Variants in CTSE observed in about 807,000 individuals in gnomAD.
The protein encoded by CTSE is erythrocyte membrane aspartic proteinase.
Under a neutral mutation model 42.8 loss-of-function variants are expected in CTSE, and 43 were observed. The ratio of observed to expected loss-of-function variants is 1.01; its 90% CI spans 0.79 to 1.30. CTSE has a LOEUF of 1.30. Among genes scored for constraint, CTSE ranks in the 50% most tolerant of loss-of-function variants. The pLI is 0.00. For missense variants in CTSE, 532 were observed against 493.5 expected, an observed-to-expected ratio of 1.08 and a Z score of -0.74; for synonymous variants, 205 against 191.5, an observed-to-expected ratio of 1.07 and a Z score of -0.58.
In CTSE at chr1:206,012,389, G is replaced by A; in HGVS notation, c.945C>T (p.Ala315=). 2.5e-6 allele frequency: 4 copies of A among 1,613,954 alleles called. No homozygotes were observed. Among genetic ancestry groups the A allele is most frequent in the Non-Finnish European group, 3.4e-6 (4 of 1,179,900 alleles). The change falls in exon 8 of 9, where the codon GCC becomes GCT. Residue 315 remains alanine (A), a synonymous_variant. Coordinates refer to ENST00000358184, the MANE Select transcript of CTSE (RefSeq NM_001910.4). ...TGACATCCGGCATGACGTTAAGGTT[G>A]GCACACTCCACAGCATACTAAAACC... is the stretch of plus-strand genomic sequence containing the variant. The part of the protein sequence containing the change: ...PVDGEYAVEC[A]NLNVMPDVTF...
intron 8 of CTSE, among the ~76,000 whole-genome samples, chr1:206,011,492 T>A (rs1245576444): frequency 6.6e-6 from 1 of 152,024 alleles, no homozygotes; most frequent in African/African-American, 2.4e-5. Context: ...GGCAGCTCCA[T>A]AATCCCTATG....
chr1:206,020,678 C>T (rs1465933515), intron 4 of CTSE, among the ~76,000 whole-genome samples: 1 of 152,032 alleles, frequency 6.6e-6, no homozygotes, highest in Non-Finnish European at 1.5e-5. Context: ...ACCTTGCCCC[C>T]TTATGTTACT....
chr1:206,012,484 T>G (rs1661133688), intron 7 of CTSE, 24 bp downstream of exon 7: 2 of 1,613,864 alleles, frequency 1.2e-6, no homozygotes. Context: ...TCCCCACCAC[T>G]CCCTTGCGCA....
chr1:206,015,129 T>C (rs114566708), intron 5 of CTSE, among the ~76,000 whole-genome samples: 3,202 of 152,132 alleles, frequency 0.021, 112 homozygotes, highest in African/African-American at 0.072. Flanking sequence ...ATTTTAAAAA[T>C]TGTTGTAAAA....
chr1:206,013,782 C>G lies in CTSE; in HGVS notation c.775G>C (p.Ala259Pro). The G allele has an allele frequency of 6.2e-7, 1 of 1,613,732 alleles. No homozygotes were observed. The highest frequency in any genetic ancestry group is 8.5e-7 in the Non-Finnish European group (1 of 1,179,802). ...PVTKQAYWQI[A>P]LDNIQVGGTV... ...ATGGGGAATACTCACTTATCCAGTG[C>G]AATCTGCCAGTAAGCTTGCTTGGTG... is the stretch of plus-strand genomic sequence containing the variant. Residue 259 changes from alanine (A) to proline (P), a missense_variant, in exon 6 of 9, where the codon GCA (alanine) becomes CCA (proline). By Grantham distance (27) the Ala-to-Pro change is conservative (BLOSUM62 -1). Coordinates refer to ENST00000358184, the MANE Select transcript of CTSE (RefSeq NM_001910.4).
At position 206,010,247 on chromosome 1, in the gene CTSE, C is replaced by A; in HGVS notation, c.1127G>T (p.Arg376Leu). ...PLWILGDVFI[R>L]QFYSVFDRGN... Reference sequence around the variant, plus strand: ...ACGGTCAAAGACTGAGTAAAACTGTCGAATGAAGACATCCCCCAGGATCCA... The same window carrying A: ...ACGGTCAAAGACTGAGTAAAACTGTAGAATGAAGACATCCCCCAGGATCCA... Residue 376 changes from arginine to leucine, a missense_variant, in exon 9 of 9, where the codon CGA becomes CTA. Physicochemically the swap from Arg to Leu is moderately radical, Grantham distance 102. Transcript: ENST00000358184. 6.2e-7 allele frequency: 1 copy of A among 1,613,710 alleles called. No individual in the cohort carries two copies. Among genetic ancestry groups the A allele is most frequent in the South Asian group, 1.1e-5 (1 of 91,050 alleles).
intron 6 of CTSE, among the ~76,000 whole-genome samples, chr1:206,013,089 TA>T (rs1165389259): frequency 6.8e-6 from 1 of 147,322 alleles, no homozygotes; most frequent in Non-Finnish European, 1.5e-5. Flanking sequence ...TGAGGCCTTT[TA>T]TTTTTTGCAT....
intron 4 of CTSE, among the ~76,000 whole-genome samples, chr1:206,019,436 G>T (rs115544357): frequency 6.6e-6 from 1 of 151,944 alleles, no homozygotes; most frequent in Non-Finnish European, 1.5e-5. Flanking sequence ...CTGATGATTT[G>T]TTAGAGGTAA....
Position 206,010,110 on chromosome 1 carries a change from A to T in CTSE, c.*73T>A. On this transcript the variant is annotated 3_prime_UTR_variant, in exon 9 of 9. Transcript: ENST00000358184. ...CATTCTCTGGAAAATAACTTTTTGT[A>T]GGTGTAAAGAATGCCCCAGCCTAAC... 1 of 1,574,802 alleles carries T rather than the reference A, an allele frequency of 6.3e-7. No homozygotes were observed.
chr1:206,013,648 C>T, intron 6 of CTSE, 124 bp downstream of exon 6: 1 of 1,283,840 alleles, frequency 7.8e-7, no homozygotes, highest in Non-Finnish European at 1.1e-6. Flanking sequence ...CTCCATACCT[C>T]CAACCACAGT....
chr1:206,009,815 C>G lies in CTSE; in HGVS notation c.*368G>C. On this transcript the variant is annotated 3_prime_UTR_variant, in exon 9 of 9. Coordinates refer to ENST00000358184, the MANE Select transcript of CTSE (RefSeq NM_001910.4). ...GCCTGGCCGTGTGTGGATGGGTTGT[C>G]AGGGCTGAGTGGAGTTGCAAAGGGA... 1 of 265,152 alleles carries G rather than the reference C, an allele frequency of 3.8e-6. No individual in the cohort carries two copies. Among genetic ancestry groups the G allele is most frequent in the Non-Finnish European group, 7.4e-6 (1 of 135,016 alleles). The allele number at this position is 265,152 out of a possible 1,614,324, so 16.4% of individuals were successfully genotyped here.
chr1:206,010,548 A>G (rs532661350), intron 8 of CTSE, among the ~76,000 whole-genome samples: 3 of 152,134 alleles, frequency 2.0e-5, no homozygotes, highest in East Asian at 3.9e-4. Context: ...TTGTCTGCAC[A>G]AGTCCATTCT....
intron 4 of CTSE, among the ~76,000 whole-genome samples, chr1:206,017,977 A>G (rs1661308985): frequency 6.6e-6 from 1 of 151,794 alleles, no homozygotes; most frequent in Admixed American, 6.6e-5. Context: ...ACTGGCTAGG[A>G]TTTTCAGTAC....
chr1:206,012,602 G>C lies in CTSE; in HGVS notation c.833C>G (p.Ala278Gly). 6.2e-7 allele frequency: 1 copy of C among 1,613,970 alleles called. No homozygotes were observed. The highest frequency in any genetic ancestry group is 8.5e-7 in the Non-Finnish European group (1 of 1,179,904). The change falls in exon 7 of 9, where the codon GCC becomes GGC. Residue 278 changes from alanine (A) to glycine (G), a missense_variant. By Grantham distance (60) the Ala-to-Gly change is moderately conservative. Transcript: ENST00000358184. ...TVMFCSEGCQ[A>G]IVDTGTSLIT... ...GAGGGAAGTCCCTGTGTCCACAATG[G>C]CCTGGCAGCCCTCGGAGCAGAACAT...
chr1:206,009,982 T>G lies in CTSE; in HGVS notation c.*201A>C. 1.9e-6 allele frequency: 1 copy of G among 527,286 alleles called. No individual in the cohort carries two copies. The highest frequency in any genetic ancestry group is 1.9e-5 in the African/African-American group (1 of 52,418). 32.7% of individuals were successfully genotyped at this position (527,286 alleles called of 1,614,324 possible). ...TCCTCCATCATGACGGTGGTGGGAG[T>G]GGTGTGTATGTGTGAAGTGTGTGTG... is the stretch of plus-strand genomic sequence containing the variant. On this transcript the variant is annotated 3_prime_UTR_variant, in exon 9 of 9. Transcript: ENST00000358184.
At chr1:206,012,737 A>G in intron 6 of CTSE, 88 bp from the exon 7 acceptor site, 1 of 1,441,008 alleles carries the variant, frequency 6.9e-7, no homozygotes, top group Non-Finnish European at 9.6e-7. Flanking sequence ...AAATGCCTGG[A>G]GCACATCAAT....
intron 5 of CTSE, 81 bp downstream of exon 5, chr1:206,015,850 T>C (rs1661245019): frequency 7.5e-7 from 1 of 1,325,524 alleles, no homozygotes; most frequent in African/African-American, 1.4e-5. Context: ...AAACCAGGTC[T>C]TTTGACTGCT....
intron 4 of CTSE, 144 bp from the exon 5 acceptor site, chr1:206,016,274 G>A: frequency 1.4e-6 from 1 of 717,966 alleles, no homozygotes; most frequent in South Asian, 1.8e-5. Context: ...AAAGATGCTT[G>A]CTATATTCCC....
At chr1:206,012,065 T>C (rs576396597) in intron 8 of CTSE, among the ~76,000 whole-genome samples, 18 of 152,224 alleles carry the variant, frequency 1.2e-4, no homozygotes, top group African/African-American at 3.8e-4. Context: ...ATCAGAAGAC[T>C]TCCTTAAATG....
Sources: gnomAD v4.1 joint callset for allele counts (sites outside exome capture counted in the v4.1 genomes callset) on GRCh38, gnomAD v4.1.1 for gene constraint, MANE v1.5 for transcripts, NCBI Gene and HGNC (gene_info 2026-07-23, HGNC 2026-07-21) for gene names.